The following PRRG1 variants were observed in gnomAD, a reference collection of about 807,000 sequenced individuals.
PRRG1 encodes proline rich and Gla domain 1.
Under a neutral mutation model 11.8 loss-of-function variants are expected in PRRG1, and 5 were observed. The ratio of observed to expected loss-of-function variants is 0.42; its 90% CI spans 0.22 to 0.89. The LOEUF is 0.89. Ranked by LOEUF, PRRG1 falls within the 40% of genes least tolerant of loss-of-function variation. The probability of loss-of-function intolerance (pLI) is 0.28; values close to 1 mark genes in which losing one functional copy is unlikely to be tolerated. For synonymous variants in PRRG1, 66 were observed against 60.4 expected (o/e 1.09, Z -0.43); for missense variants, 155 against 166.1 (o/e 0.93, Z 0.37).
At chrX:37,427,215 C>T (rs1024165402) in intron 3 of PRRG1, among the ~76,000 whole-genome samples, 6 of 111,903 alleles carry the variant, frequency 5.4e-5, no homozygotes, top group African/African-American at 1.6e-4. Flanking sequence ...ATCGTAAGAA[C>T]TTGTTTGGGA....
chrX:37,432,821 A>G (rs782440280), intron 3 of PRRG1, among the ~76,000 whole-genome samples: 1 of 111,549 alleles, frequency 9.0e-6, no homozygotes, highest in African/African-American at 3.3e-5. Flanking sequence ...CCTACTCAAC[A>G]TGTTATCTTA....
At chrX:37,407,610 T>C (rs1556382413) in intron 2 of PRRG1, among the ~76,000 whole-genome samples, 2 of 112,006 alleles carry the variant, frequency 1.8e-5, no homozygotes, top group Non-Finnish European at 3.8e-5. Context: ...CATTCTGCAC[T>C]TCTAGCCTCA....
intron 2 of PRRG1, among the ~76,000 whole-genome samples, chrX:37,423,519 T>G (rs1343404044): frequency 1.8e-5 from 2 of 109,873 alleles, no homozygotes; most frequent in Admixed American, 1.9e-4. Context: ...ATTTTATTTT[T>G]TATTTTTTAA....
At chrX:37,368,994 A>C (rs1930672476) in intron 1 of PRRG1, among the ~76,000 whole-genome samples, 1 of 111,881 alleles carries the variant, frequency 8.9e-6, no homozygotes, top group Non-Finnish European at 1.9e-5. Flanking sequence ...CATGTAAAAC[A>C]AACTCCCCTC....
rs1208156742 is a variant in PRRG1, at chrX:37,456,541, G to C, written c.*2920G>C. ...AGCCACAGATCTCATGGTGGCTGTT[G>C]CATGATAATGATAGGATAAACAAAA... On this transcript the variant is annotated 3_prime_UTR_variant, in exon 4 of 4. Coordinates refer to ENST00000378628, the MANE Select transcript of PRRG1 (RefSeq NM_001142395.2). 2 of 112,022 alleles carry C rather than the reference G, an allele frequency of 1.8e-5. No individual in the cohort carries two copies. Among genetic ancestry groups the C allele is most frequent in the African/African-American group, 3.2e-5 (1 of 30,824 alleles). 9.2% of individuals were successfully genotyped at this position (112,022 alleles called of 1,213,427 possible).
At chrX:37,389,423 T>A (rs1327125171) in intron 1 of PRRG1, among the ~76,000 whole-genome samples, 1 of 111,447 alleles carries the variant, frequency 9.0e-6, no homozygotes, top group Non-Finnish European at 1.9e-5. Context: ...AAGGTTTAAT[T>A]GGGTCATGGT....
intron 1 of PRRG1, among the ~76,000 whole-genome samples, chrX:37,372,863 T>C (rs1298702739): frequency 8.9e-6 from 1 of 112,713 alleles, no homozygotes; most frequent in Non-Finnish European, 1.9e-5. Flanking sequence ...TTCAAAAAAC[T>C]ATTGCCCAGA....
Position 37,453,344 on chromosome X carries a change from A to C in PRRG1, c.380A>C (p.Asn127Thr). Reference protein sequence around the residue: ...EGHIPFPQHLNIITPPPPPDE... With the variant: ...EGHIPFPQHLTIITPPPPPDE... ...CACATTCCTTTCCCTCAGCACCTTAATATTATCACCCCACCCCCCCCACCA... is the reference window on the plus strand; with the variant it reads ...CACATTCCTTTCCCTCAGCACCTTACTATTATCACCCCACCCCCCCCACCA... Residue 127 changes from asparagine (N) to threonine (T), a missense_variant, in exon 4 of 4, where the codon AAT (asparagine) becomes ACT (threonine). By Grantham distance (65) the Asn-to-Thr change is moderately conservative (BLOSUM62 0). Coordinates refer to ENST00000378628, the MANE Select transcript of PRRG1 (RefSeq NM_001142395.2). The C allele has an allele frequency of 1.7e-6, 2 of 1,209,588 alleles. No homozygotes were observed. Among genetic ancestry groups the C allele is most frequent in the Non-Finnish European group, 2.2e-6 (2 of 894,211 alleles).
chrX:37,369,591 T>C (rs1322686355), intron 1 of PRRG1, among the ~76,000 whole-genome samples: 2 of 111,856 alleles, frequency 1.8e-5, no homozygotes, highest in Admixed American at 9.5e-5. Context: ...CCTGTCTAAC[T>C]GAAATTTTGT....
chrX:37,422,914 A>G (rs1468492687), intron 2 of PRRG1, among the ~76,000 whole-genome samples: 1 of 111,566 alleles, frequency 9.0e-6, no homozygotes, highest in Admixed American at 9.5e-5. Flanking sequence ...ATATATATTT[A>G]TTGTCATTCT....
At chrX:37,400,482 A>G (rs1319028945) in intron 1 of PRRG1, among the ~76,000 whole-genome samples, 8 of 111,296 alleles carry the variant, frequency 7.2e-5, no homozygotes, top group Non-Finnish European at 9.4e-5. Context: ...CATTCAAAGC[A>G]GTGTGTAGAG....
intron 1 of PRRG1, among the ~76,000 whole-genome samples, chrX:37,369,653 A>G (rs1390362957): frequency 6.3e-5 from 7 of 111,671 alleles, no homozygotes; most frequent in African/African-American, 2.3e-4. Context: ...CATGATAACC[A>G]CCTGATATGG....
rs531545106 is a variant in PRRG1 at position 37,411,513 on chromosome X, T to C, written c.10+5254T>C. ...AATGAATATTTTTCAGTTTTCTTGC[T>C]TTAAAAATTTTGTGATTATTGTTTT... On this transcript the variant is annotated intron_variant, in intron 2 of 3. Coordinates refer to ENST00000378628, the MANE Select transcript of PRRG1 (RefSeq NM_001142395.2). 9.9e-4 allele frequency among the ~76,000 whole-genome samples: 111 copies of C among 112,531 alleles called. 1 individual carries two copies. In the South Asian group the frequency reaches 0.039, roughly 40 times the overall value.
intron 2 of PRRG1, among the ~76,000 whole-genome samples, chrX:37,422,636 T>G (rs1556387346): frequency 8.9e-6 from 1 of 111,966 alleles, no homozygotes; most frequent in Admixed American, 9.5e-5. Context: ...AAGGGTACTA[T>G]AGTCAAATAT....
At chrX:37,385,837 T>C (rs1444567936) in intron 1 of PRRG1, among the ~76,000 whole-genome samples, 1 of 110,259 alleles carries the variant, frequency 9.1e-6, no homozygotes, top group African/African-American at 3.3e-5. Flanking sequence ...CTAGGCTCAC[T>C]GCAACCTCTG....
chrX:37,441,002 C>G, intron 3 of PRRG1: 1 of 836,389 alleles, frequency 1.2e-6, no homozygotes, highest in East Asian at 3.8e-5. Flanking sequence ...CTCCTGGACT[C>G]AAGTGATCCT....
At chrX:37,402,873 GA>G (rs1932050893) in intron 1 of PRRG1, among the ~76,000 whole-genome samples, 1 of 111,854 alleles carries the variant, frequency 8.9e-6, no homozygotes, top group Admixed American at 9.4e-5. Flanking sequence ...AAAAACACAT[GA>G]AAAAATGCTC....
chrX:37,391,780 G>A (rs1022777854), intron 1 of PRRG1, among the ~76,000 whole-genome samples: 16 of 112,042 alleles, frequency 1.4e-4, no homozygotes, highest in African/African-American at 4.5e-4. Context: ...ATGCAATGAC[G>A]TTTTTATTCA....
chrX:37,355,732 T>A (rs1163568084), intron 1 of PRRG1, among the ~76,000 whole-genome samples: 1 of 112,227 alleles, frequency 8.9e-6, no homozygotes, highest in African/African-American at 3.2e-5. Context: ...TGCACACTAC[T>A]GTTCTTCAGT....
Sources: allele counts gnomAD v4.1 joint callset (sites outside exome capture counted in the v4.1 genomes callset), GRCh38; gene constraint gnomAD v4.1.1; transcripts MANE v1.5; gene names NCBI Gene and HGNC (gene_info 2026-07-23, HGNC 2026-07-21).